Variants in RBPJ observed in about 807,000 individuals in gnomAD.
RBPJ encodes recombining binding protein suppressor of hairless.
RBPJ carries 9 observed loss-of-function variants against 67.8 expected under a neutral mutation model. The observed-to-expected ratio is 0.13, with a 90% CI of 0.08 to 0.23. The LOEUF is 0.23. Ranked by LOEUF, RBPJ falls within the 10% of genes least tolerant of loss-of-function variation. The probability of loss-of-function intolerance (pLI) is 1.00; values close to 1 mark genes in which losing one functional copy is unlikely to be tolerated. For missense variants in RBPJ, 305 were observed against 595.6 expected, an observed-to-expected ratio of 0.51 and a Z score of 5.08; for synonymous variants, 198 against 203.3, an observed-to-expected ratio of 0.97 and a Z score of 0.22.
intron 1 of RBPJ, among the ~76,000 whole-genome samples, chr4:26,183,944 G>A (rs1035024328): frequency 1.3e-5 from 2 of 151,756 alleles, no homozygotes; most frequent in East Asian, 1.9e-4. Context: ...CCCAGGAGGC[G>A]GAGGTAGCAG....
At chr4:26,289,597 CTT>C (rs746156079) in intron 1 of RBPJ, among the ~76,000 whole-genome samples, 3 of 150,356 alleles carry the variant, frequency 2.0e-5, no homozygotes, top group South Asian at 2.1e-4. Flanking sequence ...TCAAGAAGGA[CTT>C]TATCACGTGG....
intron 1 of RBPJ, chr4:26,367,879 A>C (rs1728784259): frequency 6.6e-6 from 1 of 152,260 alleles, no homozygotes; most frequent in Non-Finnish European, 1.5e-5. Context: ...CTTAGAAAAC[A>C]GTGAAAAGAT....
chr4:26,262,389 T>C (rs1720569160), intron 1 of RBPJ, among the ~76,000 whole-genome samples: 3 of 152,216 alleles, frequency 2.0e-5, no homozygotes, highest in Admixed American at 1.3e-4. Flanking sequence ...TCCTAAGTTT[T>C]TAAACGCCAG....
intron 2 of RBPJ, among the ~76,000 whole-genome samples, chr4:26,387,142 G>A (rs1197758161): frequency 1.3e-5 from 2 of 151,996 alleles, no homozygotes; most frequent in Non-Finnish European, 2.9e-5. Context: ...ATGGCTCCAT[G>A]GTTTTTCATA....
chr4:26,315,441 G>T (rs1722580782), upstream of RBPJ, among the ~76,000 whole-genome samples: 1 of 151,846 alleles, frequency 6.6e-6, no homozygotes. Context: ...CGAACAGGGA[G>T]TAGTTCACAA....
the RBPJ span, among the ~76,000 whole-genome samples, chr4:26,124,992 T>G: frequency 6.6e-6 from 1 of 152,120 alleles, no homozygotes; most frequent in African/African-American, 2.4e-5. Flanking sequence ...ACCCCTAAGA[T>G]GTTGTCTTCG....
At position 26,362,680 on chromosome 4, in the gene RBPJ, C is replaced by A. The variant is rs1728198836; in HGVS notation, c.21-23673C>A. On this transcript the variant is annotated intron_variant, in intron 1 of 10. Transcript: ENST00000355476. ...CCCAAGGTCATGGATAGAATGAACA[C>A]TCATGATTCTGTATTTAGTTAATGC... is the stretch of plus-strand genomic sequence containing the variant. 2.2e-6 allele frequency: 3 copies of A among 1,364,312 alleles called. No homozygotes were observed. In the South Asian group the frequency reaches 3.6e-5, roughly 16 times the overall value. The allele number at this position is 1,364,312 out of a possible 1,614,324, so 84.5% of individuals were successfully genotyped here.
chr4:26,212,667 G>A lies in RBPJ; in HGVS notation c.-167+49053G>A, dbSNP rs192805280. 4.6e-5 allele frequency among the ~76,000 whole-genome samples: 7 copies of A among 152,148 alleles called. No individual in the cohort carries two copies. The East Asian group carries it at 1.4e-3, about 29-fold the overall frequency. On this transcript the variant is annotated intron_variant, in intron 1 of 4. Coordinates refer to the RBPJ transcript ENST00000512351. ...GACCTACCTTGTCTGATTGTGGTCA[G>A]AAGACCTTCATTTCAGAAGGGGTCT...
chr4:26,408,028 C>G (rs1733635186), intron 3 of RBPJ, among the ~76,000 whole-genome samples: 1 of 151,252 alleles, frequency 6.6e-6, no homozygotes, highest in Non-Finnish European at 1.5e-5. Context: ...GCACTCACCA[C>G]CATGGCCAGC....
intron 1 of RBPJ, among the ~76,000 whole-genome samples, chr4:26,289,202 G>C (rs1189743510): frequency 1.3e-5 from 2 of 149,656 alleles, no homozygotes; most frequent in South Asian, 4.2e-4. Context: ...TTCAAGACCA[G>C]CCTGGCCAAC....
chr4:26,298,125 T>C (rs1003544879), intron 1 of RBPJ, among the ~76,000 whole-genome samples: 43 of 152,190 alleles, frequency 2.8e-4, no homozygotes, highest in African/African-American at 9.2e-4. Context: ...TTGAAAACAT[T>C]CACTAATCCT....
intron 1 of RBPJ, among the ~76,000 whole-genome samples, chr4:26,215,155 AGAGAAGGAGGATAG>A (rs1718643786): frequency 1.5e-5 from 2 of 134,632 alleles, no homozygotes; most frequent in African/African-American, 5.9e-5. Flanking sequence ...GGAGGGAGGG[AGAGAAGGAGGATAG>A]GGAAGGAGGA....
chr4:26,343,445 T>C (rs1725756011), intron 1 of RBPJ, among the ~76,000 whole-genome samples: 1 of 152,238 alleles, frequency 6.6e-6, no homozygotes, highest in South Asian at 2.1e-4. Context: ...GATATAAATA[T>C]TGGGTTATTT....
chr4:26,277,895 C>T (rs1222120802), intron 1 of RBPJ, among the ~76,000 whole-genome samples: 4 of 152,224 alleles, frequency 2.6e-5, no homozygotes, highest in African/African-American at 9.6e-5. Context: ...CAGTGTCCAT[C>T]TAATCTTTAC....
the RBPJ span, among the ~76,000 whole-genome samples, chr4:26,129,242 T>C: frequency 6.6e-6 from 1 of 152,140 alleles, no homozygotes; most frequent in Non-Finnish European, 1.5e-5. Flanking sequence ...CTCAAATAGG[T>C]GTTCTGTTTC....
intron 1 of RBPJ, among the ~76,000 whole-genome samples, chr4:26,372,931 T>C (rs944126421): frequency 1.3e-5 from 2 of 152,196 alleles, no homozygotes; most frequent in Admixed American, 1.3e-4. Context: ...CCTGCTCTTT[T>C]GGTCCTAGCA....
At chr4:26,270,389 G>GAAAGAAAGAAAGAAAGAA (rs1720853481) in intron 1 of RBPJ, among the ~76,000 whole-genome samples, 2 of 57,754 alleles carry the variant, frequency 3.5e-5, no homozygotes, top group Non-Finnish European at 7.9e-5. Flanking sequence ...AAGAAAGAAA[G>GAAAGAAAGAAAGAAAGAA]AAAGAAAGAA....
the RBPJ span, among the ~76,000 whole-genome samples, chr4:26,155,410 C>T: frequency 5.3e-5 from 8 of 149,974 alleles, no homozygotes; most frequent in Non-Finnish European, 1.0e-4. Context: ...TCACCTTTTT[C>T]TCTTTTTAGT....
At chr4:26,116,570 G>A in the RBPJ span, among the ~76,000 whole-genome samples, 251 of 152,262 alleles carry the variant, frequency 1.6e-3, 1 homozygote, top group African/African-American at 5.9e-3. Context: ...TCAGCTCCCC[G>A]GGACATGCCA....
Sources: gnomAD v4.1 joint callset for allele counts (sites outside exome capture counted in the v4.1 genomes callset) on GRCh38, gnomAD v4.1.1 for gene constraint, MANE v1.5 for transcripts, NCBI Gene and HGNC (gene_info 2026-07-23, HGNC 2026-07-21) for gene names.